Variants in LINS1 observed in about 807,000 individuals in gnomAD.
LINS1 encodes the protein protein Lines homolog 1.
A neutral mutation model predicts 41.6 loss-of-function variants in LINS1; 27 were observed. The observed-to-expected ratio is 0.65, with a 90% CI of 0.48 to 0.89. The LOEUF (loss-of-function observed/expected upper bound fraction) is 0.89, where lower values mean the gene tolerates loss of function less well. Among genes scored for constraint, LINS1 ranks in the 40% least tolerant of loss-of-function variants. LINS1 has a pLI of 0.00. For missense variants in LINS1, 955 were observed against 884.1 expected, an observed-to-expected ratio of 1.08 and a Z score of -1.02; for synonymous variants, 336 against 312.9, an observed-to-expected ratio of 1.07 and a Z score of -0.78.
In LINS1 at chr15:100,570,046, T is replaced by G; in HGVS notation, c.1466A>C (p.Tyr489Ser). 6.4e-7 allele frequency: 1 copy of G among 1,566,630 alleles called. No individual in the cohort carries two copies. The part of the protein sequence containing the change: ...MWDHHTHENG[Y>S]NPHCIFLFFL... ...GAACAAGAAAATACAGTGAGGATTA[T>G]AGCCATTTTCATGTGTGTGATGGTC... Residue 489 changes from tyrosine to serine, a missense_variant, in exon 7 of 7, where the codon TAT (tyrosine) becomes TCT (serine). By Grantham distance (144) the Tyr-to-Ser change is moderately radical (BLOSUM62 -2). Coordinates refer to ENST00000314742, the MANE Select transcript of LINS1 (RefSeq NM_001040616.3).
intron 1 of LINS1, among the ~76,000 whole-genome samples, chr15:100,595,543 C>A (rs947348446): frequency 3.9e-5 from 6 of 152,194 alleles, no homozygotes. Context: ...GAAACTAGAT[C>A]TCTCCTACAC....
At chr15:100,572,934 A>G (rs4965677) in intron 5 of LINS1, 619,111 of 629,534 alleles carry the variant, frequency 0.98, 305,223 homozygotes, top group Non-Finnish European at 1. Context: ...GGAAACAGAG[A>G]CGAGAGGATC....
At chr15:100,601,930 G>A (rs1057430319) in intron 1 of LINS1, among the ~76,000 whole-genome samples, 191 bp downstream of exon 1, 1 of 152,100 alleles carries the variant, frequency 6.6e-6, no homozygotes, top group South Asian at 2.1e-4. Context: ...GGGTCTCAAG[G>A]ACCGACAGCC....
chr15:100,591,214 C>G lies in LINS1; in HGVS notation c.-103-10269G>C, dbSNP rs190603340. On this transcript the variant is annotated intron_variant, in intron 1 of 6. Transcript: ENST00000314742. The stretch of plus-strand genomic sequence containing the variant: ...TAGGAAAAAAAATAATAATAGTTTC[C>G]CTTGTGTGCTGTATTCTCTCAAAGG... Among the ~76,000 whole-genome samples, 42 of 152,230 alleles carry G rather than the reference C, an allele frequency of 2.8e-4. 1 individual carries two copies. Among genetic ancestry groups the G allele is most frequent in the African/African-American group, 1.0e-3 (42 of 41,548 alleles).
chr15:100,590,680 G>T (rs1476422929), intron 1 of LINS1, among the ~76,000 whole-genome samples: 2 of 152,206 alleles, frequency 1.3e-5, no homozygotes, highest in Non-Finnish European at 2.9e-5. Flanking sequence ...TGCAGCTGCT[G>T]GCACTTGTGG....
intron 1 of LINS1, among the ~76,000 whole-genome samples, chr15:100,585,984 T>C (rs1473210257): frequency 6.6e-6 from 1 of 152,242 alleles, no homozygotes; most frequent in Non-Finnish European, 1.5e-5. Context: ...AAAATGATCT[T>C]GGTTTGCATG....
intron 3 of LINS1, chr15:100,576,612 CCAT>C (rs1299102139): frequency 6.6e-6 from 1 of 152,316 alleles, no homozygotes; most frequent in Non-Finnish European, 1.5e-5. Context: ...AGAGCTGGTA[CCAT>C]TCCTTCTGAA....
intron 1 of LINS1, among the ~76,000 whole-genome samples, chr15:100,596,156 G>A (rs1567102274): frequency 6.6e-6 from 1 of 152,140 alleles, no homozygotes; most frequent in Non-Finnish European, 1.5e-5. Context: ...TTACCTTCAG[G>A]GCTAAAGGGG....
At chr15:100,578,980 A>C (rs913865052) in intron 3 of LINS1, among the ~76,000 whole-genome samples, 1 of 151,184 alleles carries the variant, frequency 6.6e-6, no homozygotes, top group African/African-American at 2.5e-5. Flanking sequence ...AACAATGACA[A>C]CACTTGAACA....
chr15:100,593,695 C>T (rs1217444875), intron 1 of LINS1, among the ~76,000 whole-genome samples: 2 of 152,104 alleles, frequency 1.3e-5, no homozygotes, highest in African/African-American at 2.4e-5. Context: ...TGTCCTTCAC[C>T]ACTCCACCAA....
At chr15:100,584,056 T>C (rs2038688418) in intron 1 of LINS1, among the ~76,000 whole-genome samples, 6 of 152,196 alleles carry the variant, frequency 3.9e-5, no homozygotes, top group Admixed American at 3.9e-4. Context: ...CTTAATTGCC[T>C]GATATATTGT....
In LINS1 at chr15:100,568,919, T is replaced by G; in HGVS notation, c.*319A>C. ...CAGGCGGATCACTTGAGGTCAGGAG[T>G]TTGAGACCAGCCTGGCAACATGGTG... On this transcript the variant is annotated 3_prime_UTR_variant, in exon 7 of 7. Coordinates refer to ENST00000314742, the MANE Select transcript of LINS1 (RefSeq NM_001040616.3). The G allele has an allele frequency of 4.3e-6, 1 of 231,918 alleles. No homozygotes were observed. Among genetic ancestry groups the G allele is most frequent in the Non-Finnish European group, 8.5e-6 (1 of 117,194 alleles). 14.4% of individuals were successfully genotyped at this position (231,918 alleles called of 1,614,324 possible). A position where few individuals can be genotyped will look rare whatever the true frequency, so the allele number is the denominator to read the frequency against.
chr15:100,591,059 C>A (rs1217667861), intron 1 of LINS1, among the ~76,000 whole-genome samples: 1 of 152,082 alleles, frequency 6.6e-6, no homozygotes, highest in Non-Finnish European at 1.5e-5. Context: ...TGCCTGTAAT[C>A]CCAGCTGCTC....
intron 1 of LINS1, among the ~76,000 whole-genome samples, chr15:100,581,951 A>C (rs1380647132): frequency 6.6e-6 from 1 of 152,252 alleles, no homozygotes; most frequent in African/African-American, 2.4e-5. Context: ...ATACTTGGTC[A>C]TTTTATATGG....
chr15:100,582,584 T>G (rs1011485666), intron 1 of LINS1, among the ~76,000 whole-genome samples: 1 of 143,332 alleles, frequency 7.0e-6, no homozygotes, highest in African/African-American at 2.6e-5. Context: ...GGTCTTATAC[T>G]GGGTCTTCCA....
At position 100,570,015 on chromosome 15, in the gene LINS1, C is replaced by A. The variant is rs1488111306; in HGVS notation, c.1497G>T (p.Leu499Phe). The change falls in exon 7 of 7, where the codon TTG becomes TTT. Residue 499 changes from leucine to phenylalanine, a missense_variant. Leu to Phe is a conservative substitution (Grantham distance 22). Coordinates refer to ENST00000314742, the MANE Select transcript of LINS1 (RefSeq NM_001040616.3). The stretch of plus-strand genomic sequence containing the variant: ...CTGTGGAATCAAATCCTATATTTTT[C>A]AAGAAGAACAAGAAAATACAGTGAG... ...YNPHCIFLFF[L>F]KNIGFDSTVL... 1 of 1,548,950 alleles carries A rather than the reference C, an allele frequency of 6.5e-7. No homozygotes were observed. Among genetic ancestry groups the A allele is most frequent in the South Asian group, 1.2e-5 (1 of 82,008 alleles).
In LINS1 at chr15:100,580,307, C is replaced by T. The variant is rs138616489; in HGVS notation, c.445G>A (p.Ala149Thr). The change falls in exon 3 of 7, where the codon GCA becomes ACA. Residue 149 changes from alanine (A) to threonine (T), a missense_variant. Transcript: ENST00000314742. ...NSDKLLSHMA[A>T]QCLALLLYFQ... ...TATAGAAGCAATGCAAGGCACTGTG[C>T]AGCCATGTGAGATAACAATTTATCT... 1.2e-6 allele frequency: 2 copies of T among 1,612,762 alleles called. No homozygotes were observed. Among genetic ancestry groups the T allele is most frequent in the East Asian group, 4.5e-5 (2 of 44,828 alleles).
intron 3 of LINS1, 146 bp downstream of exon 3, chr15:100,580,117 T>C: frequency 3.0e-6 from 2 of 663,842 alleles, no homozygotes; most frequent in Non-Finnish European, 5.3e-6. Flanking sequence ...CCCAGCACTT[T>C]GGGAGGCTGA....
intron 3 of LINS1, among the ~76,000 whole-genome samples, chr15:100,575,814 A>T (rs1274676378): frequency 1.3e-5 from 2 of 152,226 alleles, no homozygotes; most frequent in Non-Finnish European, 2.9e-5. Flanking sequence ...CAGAAATCAC[A>T]ACAAACTGTC....
Sources: allele counts gnomAD v4.1 joint callset (sites outside exome capture counted in the v4.1 genomes callset), GRCh38; gene constraint gnomAD v4.1.1; transcripts MANE v1.5; gene names NCBI Gene and HGNC (gene_info 2026-07-23, HGNC 2026-07-21).